Variants in PRR15 observed in about 807,000 individuals in gnomAD.
PRR15 encodes proline rich 15, also known as proline-rich protein 15.
Under a neutral mutation model 3.0 loss-of-function variants are expected in PRR15, and 4 were observed. The ratio of observed to expected loss-of-function variants is 1.34; its 90% CI spans 0.66 to 3.08. PRR15 has a LOEUF of 3.08. Among genes scored for constraint, PRR15 ranks in the 30% most tolerant of loss-of-function variants. The pLI is 0.01. For missense variants in PRR15, 200 were observed against 179.5 expected, an observed-to-expected ratio of 1.11 and a Z score of -0.65; for synonymous variants, 82 against 79.8, an observed-to-expected ratio of 1.03 and a Z score of -0.14.
Position 29,566,518 on chromosome 7 carries a change from T to A in PRR15, c.189T>A (p.Asn63Lys). 6.2e-7 allele frequency: 1 copy of A among 1,604,102 alleles called. No homozygotes were observed. The highest frequency in any genetic ancestry group is 8.5e-7 in the Non-Finnish European group (1 of 1,175,778). Residue 63 changes from asparagine to lysine, a missense_variant, in exon 2 of 2, where the codon AAT becomes AAA. Asn to Lys is a moderately conservative substitution (Grantham distance 94). Transcript: ENST00000319694. ...GCTCCCGGGAGAACCAGCACCCCAA[T>A]CTCCTCGGGGGCGCCGGCGAGCCCC... Reference protein sequence around the residue: ...TSSSRENQHPNLLGGAGEPPK... With the variant: ...TSSSRENQHPKLLGGAGEPPK...
Position 29,566,978 on chromosome 7 carries a change from A to C in PRR15, c.*259A>C. 3.3e-6 allele frequency: 1 copy of C among 303,438 alleles called. No homozygotes were observed. Among genetic ancestry groups the C allele is most frequent in the Non-Finnish European group, 5.7e-6 (1 of 174,604 alleles). 18.8% of individuals were successfully genotyped at this position (303,438 alleles called of 1,614,324 possible). A position where few individuals can be genotyped will look rare whatever the true frequency, so the allele number is the denominator to read the frequency against. ...ACCTGCCGCGGAGGAGGGTGGCATA[A>C]TTATTTTTTTTTCAAAAAGCTATTC... On this transcript the variant is annotated 3_prime_UTR_variant, in exon 2 of 2. Coordinates refer to ENST00000319694, the MANE Select transcript of PRR15 (RefSeq NM_175887.3).
intron 1 of PRR15, 104 bp from the exon 2 acceptor site, chr7:29,566,081 G>T: frequency 1.8e-6 from 1 of 566,672 alleles, no homozygotes; most frequent in Non-Finnish European, 3.1e-6. Context: ...GGGTCGCTCC[G>T]ACCCTGGCCG....
At position 29,566,470 on chromosome 7, in the gene PRR15, G is replaced by A. The variant is rs1287685849; in HGVS notation, c.141G>A (p.Pro47=). The A allele has an allele frequency of 1.3e-6, 2 of 1,598,724 alleles. No individual in the cohort carries two copies. Among genetic ancestry groups the A allele is most frequent in the Admixed American group, 1.7e-5 (1 of 58,254 alleles). ...PAPGEPTPPA[P]PSPDWTSSSR... Reference sequence around the variant, plus strand: ...CCGGGGAGCCCACGCCACCTGCGCCGCCCAGCCCGGACTGGACCAGCAGCT... The same window carrying A: ...CCGGGGAGCCCACGCCACCTGCGCCACCCAGCCCGGACTGGACCAGCAGCT... The change falls in exon 2 of 2, where the codon CCG becomes CCA. Residue 47 remains proline, a synonymous_variant. Transcript: ENST00000319694.
At position 29,565,902 on chromosome 7, in the gene PRR15, C is replaced by G. The variant is rs560486875; in HGVS notation, c.-145-283C>G. 1.0e-4 allele frequency: 19 copies of G among 182,014 alleles called. No homozygotes were observed. The East Asian group carries it at 2.7e-3, about 26-fold the overall frequency. 11.3% of individuals were successfully genotyped at this position (182,014 alleles called of 1,614,324 possible). ...GAACGTCCCTTGGGTCCCCCGGGCA[C>G]GCTGACCACTGCACTGCACTTCCCC... On this transcript the variant is annotated intron_variant, in intron 1 of 1. Transcript: ENST00000319694.
intron 1 of PRR15, among the ~76,000 whole-genome samples, chr7:29,565,020 G>T (rs1013793250): frequency 4.6e-5 from 7 of 152,212 alleles, no homozygotes; most frequent in African/African-American, 1.7e-4. Context: ...CGCCCGGCGC[G>T]TGGGCTGGGA....
intron 1 of PRR15, chr7:29,565,574 C>T (rs1792880956): frequency 6.6e-6 from 1 of 152,226 alleles, no homozygotes; most frequent in Non-Finnish European, 1.5e-5. Context: ...ATATCATAAG[C>T]TTGTCCTTCT....
In PRR15 at chr7:29,566,924, T is replaced by C; in HGVS notation, c.*205T>C. On this transcript the variant is annotated 3_prime_UTR_variant, in exon 2 of 2. Transcript: ENST00000319694. Reference sequence around the variant, plus strand: ...AATATTTCATGACTCCAAGGATGCATTAAATATTTATTTGTGGTAAGAGAA... The same window carrying C: ...AATATTTCATGACTCCAAGGATGCACTAAATATTTATTTGTGGTAAGAGAA... 2.0e-6 allele frequency: 1 copy of C among 498,324 alleles called. No homozygotes were observed. Among genetic ancestry groups the C allele is most frequent in the South Asian group, 5.6e-5 (1 of 17,784 alleles). 30.9% of individuals were successfully genotyped at this position (498,324 alleles called of 1,614,324 possible). A position where few individuals can be genotyped will look rare whatever the true frequency, so the allele number is the denominator to read the frequency against.
At chr7:29,566,087 G>A (rs1171834299) in intron 1 of PRR15, 98 bp from the exon 2 acceptor site, 7 of 575,276 alleles carry the variant, frequency 1.2e-5, no homozygotes, top group Non-Finnish European at 2.1e-5. Flanking sequence ...CTCCGACCCT[G>A]GCCGATCCGG....
Position 29,566,844 on chromosome 7 carries a change from C to A in PRR15, c.*125C>A. The A allele has an allele frequency of 1.1e-6, 1 of 913,774 alleles. No individual in the cohort carries two copies. The highest frequency in any genetic ancestry group is 1.6e-6 in the Non-Finnish European group (1 of 621,718). 56.6% of individuals were successfully genotyped at this position (913,774 alleles called of 1,614,324 possible). ...CATTCCACCAAATTCAGAATATTTA[C>A]ACAATGCCTTCATGATTTTATTTTT... On this transcript the variant is annotated 3_prime_UTR_variant, in exon 2 of 2. Coordinates refer to ENST00000319694, the MANE Select transcript of PRR15 (RefSeq NM_175887.3).
Position 29,564,448 on chromosome 7 carries a change from C to T in PRR15, c.-146+71C>T, listed in dbSNP as rs1231177648. On this transcript the variant is annotated intron_variant, in intron 1 of 1. Transcript: ENST00000319694. ...CCCCGGGGGTCACCCTGGGGTGCTG[C>T]CTGGTACCTCCCAGGTACCCGCCTC... 2.0e-5 allele frequency: 3 copies of T among 152,204 alleles called. No homozygotes were observed. In the East Asian group the frequency reaches 5.9e-4, roughly 30 times the overall value. The allele number at this position is 152,204 out of a possible 1,614,324, so 9.4% of individuals were successfully genotyped here.
Position 29,566,425 on chromosome 7 carries a change from G to T in PRR15, c.96G>T (p.Pro32=). The T allele has an allele frequency of 6.2e-7, 1 of 1,607,374 alleles. No homozygotes were observed. The highest frequency in any genetic ancestry group is 8.5e-7 in the Non-Finnish European group (1 of 1,177,492). ...KKSKEAAVGV[P]PPAQPAPGEP... ...GCAAGGAAGCCGCAGTGGGGGTGCC[G>T]CCTCCCGCCCAGCCCGCTCCCGGGG... The change falls in exon 2 of 2, where the codon CCG becomes CCT. Residue 32 remains proline, a synonymous_variant. Coordinates refer to ENST00000319694, the MANE Select transcript of PRR15 (RefSeq NM_175887.3).
Position 29,566,837 on chromosome 7 carries a change from A to C in PRR15, c.*118A>C. ...GTTGTCTCATTCCACCAAATTCAGA[A>C]TATTTACACAATGCCTTCATGATTT... On this transcript the variant is annotated 3_prime_UTR_variant, in exon 2 of 2. Transcript: ENST00000319694. 1.0e-6 allele frequency: 1 copy of C among 966,626 alleles called. No individual in the cohort carries two copies. Among genetic ancestry groups the C allele is most frequent in the Non-Finnish European group, 1.5e-6 (1 of 667,870 alleles). 59.9% of individuals were successfully genotyped at this position (966,626 alleles called of 1,614,324 possible). A position where few individuals can be genotyped will look rare whatever the true frequency, so the allele number is the denominator to read the frequency against.
At chr7:29,565,102 A>G (rs896432364) in intron 1 of PRR15, among the ~76,000 whole-genome samples, 8 of 152,352 alleles carry the variant, frequency 5.3e-5, no homozygotes, top group Non-Finnish European at 1.0e-4. Flanking sequence ...GCAGCGCCCA[A>G]GAGACCCCGC....
At chr7:29,564,575 C>A (rs1333170169) in intron 1 of PRR15, among the ~76,000 whole-genome samples, 198 bp downstream of exon 1, 1 of 152,200 alleles carries the variant, frequency 6.6e-6, no homozygotes, top group Non-Finnish European at 1.5e-5. Flanking sequence ...TCGTACAAAG[C>A]CCTTCCGTGC....
rs1792927867 is a variant in PRR15 at position 29,567,010 on chromosome 7, C to G, written c.*291C>G. ...TTTTTTCAAAAAGCTATTCTGGGGC[C>G]CTGGCCCCCTGGCTCCTGTCACAGC... On this transcript the variant is annotated 3_prime_UTR_variant, in exon 2 of 2. Coordinates refer to ENST00000319694, the MANE Select transcript of PRR15 (RefSeq NM_175887.3). 1 of 327,728 alleles carries G rather than the reference C, an allele frequency of 3.1e-6. No homozygotes were observed. Among genetic ancestry groups the G allele is most frequent in the African/African-American group, 2.2e-5 (1 of 46,082 alleles). 20.3% of individuals were successfully genotyped at this position (327,728 alleles called of 1,614,324 possible).
chr7:29,566,563 C>T lies in PRR15; in HGVS notation c.234C>T (p.Tyr78=). ...AGEPPKPDKL[Y]GDKSGSSRRN... is the part of the protein sequence containing the mutation. ...AGCCCCCCAAACCAGACAAGTTATA[C>T]GGGGACAAATCCGGCAGCAGCCGCC... The change falls in exon 2 of 2, where the codon TAC becomes TAT. Residue 78 remains tyrosine (Y), a synonymous_variant. Coordinates refer to ENST00000319694, the MANE Select transcript of PRR15 (RefSeq NM_175887.3). The T allele has an allele frequency of 6.2e-7, 1 of 1,608,764 alleles. No homozygotes were observed. Among genetic ancestry groups the T allele is most frequent in the Non-Finnish European group, 8.5e-7 (1 of 1,178,022 alleles).
Position 29,566,633 on chromosome 7 carries a change from A to G in PRR15, c.304A>G (p.Lys102Glu). The change falls in exon 2 of 2, where the codon AAA (lysine) becomes GAA (glutamate). Residue 102 changes from lysine (K) to glutamate (E), a missense_variant. Physicochemically the swap from Lys to Glu is moderately conservative, Grantham distance 56. Coordinates refer to ENST00000319694, the MANE Select transcript of PRR15 (RefSeq NM_175887.3). Reference protein sequence around the residue: ...SRSGRFKEKRKVRATLLPEAG... With the variant: ...SRSGRFKEKREVRATLLPEAG... ...CTCCGGCCGCTTTAAGGAGAAGAGGAAAGTGCGCGCCACGCTGCTCCCGGA... is the reference window on the plus strand; with the variant it reads ...CTCCGGCCGCTTTAAGGAGAAGAGGGAAGTGCGCGCCACGCTGCTCCCGGA... 6.3e-7 allele frequency: 1 copy of G among 1,596,842 alleles called. No individual in the cohort carries two copies. The highest frequency in any genetic ancestry group is 2.3e-5 in the East Asian group (1 of 43,808).
intron 1 of PRR15, 112 bp from the exon 2 acceptor site, chr7:29,566,073 G>A: frequency 1.8e-6 from 1 of 558,944 alleles, no homozygotes; most frequent in Non-Finnish European, 3.1e-6. Context: ...ACGGGATTGG[G>A]TCGCTCCGAC....
At chr7:29,566,096 G>C in intron 1 of PRR15, 89 bp from the exon 2 acceptor site, 2 of 579,420 alleles carry the variant, frequency 3.5e-6, no homozygotes, top group Non-Finnish European at 6.0e-6. Flanking sequence ...TGGCCGATCC[G>C]GTGCCAGACA....
Sources: gnomAD v4.1 joint callset for allele counts (sites outside exome capture counted in the v4.1 genomes callset) on GRCh38, gnomAD v4.1.1 for gene constraint, MANE v1.5 for transcripts, NCBI Gene and HGNC (gene_info 2026-07-23, HGNC 2026-07-21) for gene names.